The following MACROD2 variants were observed in gnomAD, a reference collection of about 807,000 sequenced individuals.
The protein encoded by MACROD2 is ADP-ribose glycohydrolase MACROD2.
Under a neutral mutation model 70.4 loss-of-function variants are expected in MACROD2, and 36 were observed. The ratio of observed to expected loss-of-function variants is 0.51; its 90% confidence interval spans 0.39 to 0.68. The LOEUF is 0.68. Among genes scored for constraint, MACROD2 ranks in the 30% least tolerant of loss-of-function variants. The pLI is 0.00. For missense variants in MACROD2, 496 were observed against 538.4 expected, an observed-to-expected ratio of 0.92 and a Z score of 0.78; for synonymous variants, 172 against 178.8, an observed-to-expected ratio of 0.96 and a Z score of 0.30.
intron 8 of MACROD2, among the ~76,000 whole-genome samples, chr20:15,712,520 A>C (rs1284072284): frequency 6.6e-6 from 1 of 152,158 alleles, no homozygotes; most frequent in Non-Finnish European, 1.5e-5. Context: ...TAGACCTATC[A>C]CTAACAGGGC....
intron 8 of MACROD2, among the ~76,000 whole-genome samples, chr20:15,777,599 TTCCCTCCCTCCCTCTC>T (rs1284155259): frequency 1.6e-5 from 2 of 123,704 alleles, no homozygotes. Context: ...CCTTCCTTCC[TTCCCTCCCTCCCTCTC>T]TCCCTCCCTC....
At chr20:15,146,255 C>T (rs1037789042) in intron 5 of MACROD2, among the ~76,000 whole-genome samples, 14 of 152,014 alleles carry the variant, frequency 9.2e-5, no homozygotes, top group Admixed American at 2.6e-4. Flanking sequence ...TTTAGTGATA[C>T]GGAATATAGG....
chr20:15,596,607 G>A (rs2048749428), intron 8 of MACROD2, among the ~76,000 whole-genome samples: 1 of 152,218 alleles, frequency 6.6e-6, no homozygotes, highest in Non-Finnish European at 1.5e-5. Flanking sequence ...TGAAAGCCAT[G>A]ACTGGAAATG....
intron 4 of MACROD2, among the ~76,000 whole-genome samples, chr20:14,674,341 A>G (rs569191676): frequency 6.6e-6 from 1 of 152,302 alleles, no homozygotes; most frequent in East Asian, 1.9e-4. Flanking sequence ...TTTATTTATT[A>G]AGTAGTGATC....
chr20:14,745,534 A>G (rs1370639342), intron 5 of MACROD2, among the ~76,000 whole-genome samples: 1 of 152,210 alleles, frequency 6.6e-6, no homozygotes, highest in Non-Finnish European at 1.5e-5. Flanking sequence ...GGCTGTGGAT[A>G]TAGACTTTCA....
chr20:15,962,834 C>A (rs571885339), intron 12 of MACROD2, among the ~76,000 whole-genome samples: 2 of 152,220 alleles, frequency 1.3e-5, no homozygotes, highest in African/African-American at 2.4e-5. Context: ...TGTCTGTGGG[C>A]CCTGTTACCT....
intron 6 of MACROD2, among the ~76,000 whole-genome samples, chr20:15,271,382 C>T (rs2077344801): frequency 6.6e-6 from 1 of 152,174 alleles, no homozygotes. Flanking sequence ...CTCCTAATAC[C>T]ATCAACTTGG....
At chr20:15,346,649 T>A (rs2078169516) in intron 6 of MACROD2, among the ~76,000 whole-genome samples, 2 of 152,100 alleles carry the variant, frequency 1.3e-5, no homozygotes, top group South Asian at 4.2e-4. Flanking sequence ...TTTTAGCAAT[T>A]TGGTGTTTCT....
chr20:15,239,967 G>A (rs2077046919), intron 6 of MACROD2, among the ~76,000 whole-genome samples: 1 of 152,158 alleles, frequency 6.6e-6, no homozygotes, highest in South Asian at 2.1e-4. Context: ...TGCTCTATCA[G>A]AAAGACAGGG....
chr20:15,117,448 C>G (rs913047134), intron 5 of MACROD2, among the ~76,000 whole-genome samples: 2 of 152,136 alleles, frequency 1.3e-5, no homozygotes, highest in Non-Finnish European at 2.9e-5. Context: ...CAAGATTTCC[C>G]TCTCTTTTAC....
intron 3 of MACROD2, among the ~76,000 whole-genome samples, chr20:14,184,951 A>G (rs1294981975): frequency 6.6e-6 from 1 of 152,050 alleles, no homozygotes; most frequent in Non-Finnish European, 1.5e-5. Context: ...TTCCTAGAAT[A>G]TATCTAGTTA....
Position 15,475,087 on chromosome 20 carries a change from C to T in MACROD2, c.572-24687C>T, listed in dbSNP as rs114619676. Among the ~76,000 whole-genome samples the T allele has an allele frequency of 7.7e-3, 1,175 of 152,144 alleles. 19 individuals are homozygous for T. The highest frequency in any genetic ancestry group is 0.027 in the African/African-American group (1,105 of 41,478). ...AAGAATATAGTATAGCAACTATTAA[C>T]ATCACATTTACATTTTATTAGGTAT... On this transcript the variant is annotated intron_variant, in intron 7 of 17. Transcript: ENST00000684519.
intron 2 of MACROD2, among the ~76,000 whole-genome samples, chr20:14,015,065 G>A (rs1276330192): frequency 6.6e-6 from 1 of 151,176 alleles, no homozygotes; most frequent in Non-Finnish European, 1.5e-5. Context: ...CAAAGTGCTG[G>A]TATTACAAGT....
chr20:15,870,023 C>A (rs759184559), intron 9 of MACROD2, among the ~76,000 whole-genome samples: 66 of 152,050 alleles, frequency 4.3e-4, no homozygotes, highest in Non-Finnish European at 7.5e-4. Flanking sequence ...TTTTTAATAT[C>A]TTAAATGCAT....
chr20:14,000,842 A>G (rs1024772534), intron 1 of MACROD2, among the ~76,000 whole-genome samples: 1 of 152,216 alleles, frequency 6.6e-6, no homozygotes, highest in Non-Finnish European at 1.5e-5. Flanking sequence ...ACTGCTCACT[A>G]TGGCATACAA....
At chr20:15,549,337 T>C (rs892055411) in intron 8 of MACROD2, among the ~76,000 whole-genome samples, 5 of 152,218 alleles carry the variant, frequency 3.3e-5, no homozygotes, top group Admixed American at 3.3e-4. Flanking sequence ...ACTATGGCTG[T>C]ATGTCAATTT....
At chr20:14,737,852 C>T (rs2071686273) in intron 5 of MACROD2, among the ~76,000 whole-genome samples, 1 of 152,070 alleles carries the variant, frequency 6.6e-6, no homozygotes, top group African/African-American at 2.4e-5. Context: ...GATATTAGCC[C>T]TTTGTCAGAT....
intron 15 of MACROD2, among the ~76,000 whole-genome samples, chr20:16,027,279 T>G (rs541051633): frequency 6.7e-6 from 1 of 148,246 alleles, no homozygotes; most frequent in South Asian, 2.2e-4. Context: ...CCAGCAAGAT[T>G]ATTTCTTGGA....
At chr20:14,182,368 A>T (rs1019371049) in intron 3 of MACROD2, among the ~76,000 whole-genome samples, 2 of 152,078 alleles carry the variant, frequency 1.3e-5, no homozygotes, top group Non-Finnish European at 2.9e-5. Context: ...TTTTCATATT[A>T]TAATACTAGA....
Sources: allele counts gnomAD v4.1 joint callset (sites outside exome capture counted in the v4.1 genomes callset), GRCh38; gene constraint gnomAD v4.1.1; transcripts MANE v1.5; gene names NCBI Gene and HGNC (gene_info 2026-07-23, HGNC 2026-07-21).